Variants in ATP11B observed in about 807,000 individuals in gnomAD.
ATP11B encodes the protein phospholipid-transporting ATPase IF.
A neutral mutation model predicts 157.8 loss-of-function variants in ATP11B; 81 were observed. The ratio of observed to expected loss-of-function variants is 0.51; its 90% confidence interval spans 0.43 to 0.62. The LOEUF (loss-of-function observed/expected upper bound fraction) is 0.62. Among genes scored for constraint, ATP11B ranks in the 20% least tolerant of loss-of-function variants. ATP11B has a pLI of 0.00. For synonymous variants in ATP11B, 451 were observed against 469.4 expected, an observed-to-expected ratio of 0.96 and a Z score of 0.51; for missense variants, 1,165 against 1,402.2, an observed-to-expected ratio of 0.83 and a Z score of 2.70.
At chr3:182,896,918 G>A (rs1723589584) in intron 26 of ATP11B, among the ~76,000 whole-genome samples, 153 bp downstream of exon 26, 1 of 151,778 alleles carries the variant, frequency 6.6e-6, no homozygotes, top group Non-Finnish European at 1.5e-5. Context: ...TTAAATTTTT[G>A]TCAAAAAATT....
chr3:182,896,194 T>A (rs1410419579), intron 25 of ATP11B, among the ~76,000 whole-genome samples: 1 of 152,210 alleles, frequency 6.6e-6, no homozygotes, highest in East Asian at 1.9e-4. Flanking sequence ...TTACATGGAA[T>A]CCTTTGAGGA....
Position 182,897,288 on chromosome 3 carries a change from A to C in ATP11B, c.3049-15A>C. 1 of 1,495,610 alleles carries C rather than the reference A, an allele frequency of 6.7e-7. No homozygotes were observed. The highest frequency in any genetic ancestry group is 9.0e-7 in the Non-Finnish European group (1 of 1,113,064). The allele number at this position is 1,495,610 out of a possible 1,614,324, so 92.6% of individuals were successfully genotyped here. A position where few individuals can be genotyped will look rare whatever the true frequency, so the allele number is the denominator to read the frequency against. On this transcript the variant is annotated splice_polypyrimidine_tract_variant and intron_variant, in intron 26 of 29. Transcript: ENST00000323116. The stretch of plus-strand genomic sequence containing the variant: ...ATTTGTTTATATTTCTAAGGATATA[A>C]AAACTTTTTTTTAGATGGCTCTGGA...
chr3:182,800,737 A>G (rs1002808411), intron 1 of ATP11B, among the ~76,000 whole-genome samples: 1 of 151,226 alleles, frequency 6.6e-6, no homozygotes, highest in Non-Finnish European at 1.5e-5. Flanking sequence ...TACAATTTTT[A>G]ATTTTCGTAT....
intron 13 of ATP11B, 149 bp downstream of exon 13, chr3:182,865,847 A>G (rs1326963749): frequency 1.3e-5 from 9 of 680,458 alleles, no homozygotes; most frequent in Non-Finnish European, 2.2e-5. Context: ...ATAAAATATA[A>G]TCCTAAGAAT....
chr3:182,839,758 G>A (rs1171924474), intron 7 of ATP11B, among the ~76,000 whole-genome samples: 2 of 151,972 alleles, frequency 1.3e-5, no homozygotes. Flanking sequence ...TTATATGTGT[G>A]TGCCACCACA....
Position 182,793,557 on chromosome 3 carries a change from C to A in ATP11B, c.-203C>A. The A allele has an allele frequency of 2.8e-6, 1 of 361,812 alleles. No homozygotes were observed. The highest frequency in any genetic ancestry group is 4.7e-5 in the Admixed American group (1 of 21,306). 22.4% of individuals were successfully genotyped at this position (361,812 alleles called of 1,614,324 possible). A position where few individuals can be genotyped will look rare whatever the true frequency, so the allele number is the denominator to read the frequency against. On this transcript the variant is annotated 5_prime_UTR_variant, in exon 1 of 30. Coordinates refer to ENST00000323116, the MANE Select transcript of ATP11B (RefSeq NM_014616.3). ...CAGGCTCAGCTGCGCCGGGCGGGGG[C>A]GGCGCCGGGGCCGCGCCTGTAGGAC...
chr3:182,859,110 A>G, intron 11 of ATP11B, 52 bp from the exon 12 acceptor site: 1 of 1,387,966 alleles, frequency 7.2e-7, no homozygotes, highest in African/African-American at 1.4e-5. Flanking sequence ...AGTAATACTG[A>G]AGAAATTCTA....
At chr3:182,858,069 T>C (rs1720554125) in intron 11 of ATP11B, 41 bp downstream of exon 11, 1 of 1,555,686 alleles carries the variant, frequency 6.4e-7, no homozygotes. Flanking sequence ...AAGGAAACTA[T>C]TACTTGGCAC....
intron 28 of ATP11B, among the ~76,000 whole-genome samples, chr3:182,902,123 T>C (rs1465318786): frequency 6.6e-6 from 1 of 152,236 alleles, no homozygotes; most frequent in African/African-American, 2.4e-5. Flanking sequence ...AGTCGTTATT[T>C]TAGCTTTATG....
At chr3:182,879,720 C>CTTA in intron 20 of ATP11B, 71 bp downstream of exon 20, 1 of 1,368,900 alleles carries the variant, frequency 7.3e-7, no homozygotes, top group Non-Finnish European at 9.8e-7. Context: ...AAGTTAATGC[C>CTTA]TTACATAGTT....
chr3:182,820,189 A>C (rs191150085), intron 1 of ATP11B, 71 bp from the exon 2 acceptor site: 14 of 985,476 alleles, frequency 1.4e-5, no homozygotes, highest in Non-Finnish European at 2.1e-5. Context: ...AGCTAAATAA[A>C]GCTAACAGTA....
At chr3:182,841,114 C>A (rs1718978827) in intron 7 of ATP11B, among the ~76,000 whole-genome samples, 1 of 152,158 alleles carries the variant, frequency 6.6e-6, no homozygotes, top group African/African-American at 2.4e-5. Context: ...GGTCACTAGA[C>A]CTAGCCCTTG....
chr3:182,834,894 C>T (rs1245158990), intron 4 of ATP11B, among the ~76,000 whole-genome samples: 2 of 152,158 alleles, frequency 1.3e-5, no homozygotes, highest in African/African-American at 4.8e-5. Context: ...GAAGCCTTAC[C>T]AATATCATAA....
At chr3:182,851,716 A>G (rs560245757) in intron 10 of ATP11B, among the ~76,000 whole-genome samples, 1 of 152,340 alleles carries the variant, frequency 6.6e-6, no homozygotes, top group African/African-American at 2.4e-5. Context: ...AAACACAGTA[A>G]ACAGCAAGAA....
At chr3:182,891,235 G>A (rs1027582761) in intron 25 of ATP11B, among the ~76,000 whole-genome samples, 2 of 152,052 alleles carry the variant, frequency 1.3e-5, no homozygotes, top group Non-Finnish European at 1.5e-5. Context: ...TTAAGAAGAA[G>A]GAAATTTGGA....
intron 2 of ATP11B, among the ~76,000 whole-genome samples, chr3:182,824,470 C>T (rs1037598762): frequency 2.6e-5 from 4 of 152,126 alleles, no homozygotes; most frequent in South Asian, 2.1e-4. Context: ...ACTCTCTTCC[C>T]GTTTCCATCT....
intron 25 of ATP11B, among the ~76,000 whole-genome samples, chr3:182,890,401 T>G (rs1361410186): frequency 6.6e-6 from 1 of 152,218 alleles, no homozygotes; most frequent in Non-Finnish European, 1.5e-5. Context: ...TCAACAGATC[T>G]TTATTGAAGG....
rs553048606 is a variant in ATP11B at position 182,863,445 on chromosome 3, C to T, written c.1201-2011C>T. Among the ~76,000 whole-genome samples the T allele has an allele frequency of 9.3e-4, 141 of 152,038 alleles. 2 individuals are homozygous for T. The highest frequency in any genetic ancestry group is 3.1e-3 in the African/African-American group (129 of 41,498). ...TCACATTGTGTATGCATACTCATGTCTGCTTTGTCTTTAAGAAACTTCTGG... is the reference window on the plus strand; with the variant it reads ...TCACATTGTGTATGCATACTCATGTTTGCTTTGTCTTTAAGAAACTTCTGG... On this transcript the variant is annotated intron_variant, in intron 12 of 29. Coordinates refer to ENST00000323116, the MANE Select transcript of ATP11B (RefSeq NM_014616.3).
At chr3:182,880,030 T>G (rs1722312208) in intron 20 of ATP11B, among the ~76,000 whole-genome samples, 1 of 152,266 alleles carries the variant, frequency 6.6e-6, no homozygotes, top group South Asian at 2.1e-4. Context: ...AAGTGATAAT[T>G]CTTTGTTACT....
Sources: allele counts gnomAD v4.1 joint callset (sites outside exome capture counted in the v4.1 genomes callset), GRCh38; gene constraint gnomAD v4.1.1; transcripts MANE v1.5; gene names NCBI Gene and HGNC (gene_info 2026-07-23, HGNC 2026-07-21).